ZBTB1: variants seen among roughly 807,000 people sequenced by gnomAD.
ZBTB1 encodes the protein zinc finger and BTB domain containing 1.
ZBTB1 carries 13 observed loss-of-function variants against 51.6 expected under a neutral mutation model. The ratio of observed to expected loss-of-function variants is 0.25; its 90% CI spans 0.16 to 0.40. The LOEUF (loss-of-function observed/expected upper bound fraction) is 0.40, where lower values mean the gene tolerates loss of function less well. Among genes scored for constraint, ZBTB1 ranks in the 10% least tolerant of loss-of-function variants. The probability of loss-of-function intolerance (pLI) is 1.00; values close to 1 mark genes in which losing one functional copy is unlikely to be tolerated. For synonymous variants in ZBTB1, 240 were observed against 282.2 expected (o/e 0.85, Z 1.50); for missense variants, 567 against 856.5 (o/e 0.66, Z 4.22).
rs142978553 is a variant in ZBTB1, at chr14:64,523,010, T to G, written c.1506T>G (p.Asp502Glu). 1.3e-4 allele frequency: 210 copies of G among 1,614,054 alleles called. No homozygotes were observed. The highest frequency in any genetic ancestry group is 2.7e-4 in the Admixed American group (16 of 60,000). ...ENPDEQSEIRDMFVEMLDDFR... is the reference protein window; with the variant it reads ...ENPDEQSEIREMFVEMLDDFR... The stretch of plus-strand genomic sequence containing the variant: ...CTGATGAGCAGTCCGAAATAAGAGA[T>G]ATGTTTGTTGAAATGCTGGATGATT... The change falls in exon 2 of 2, where the codon GAT (aspartate) becomes GAG (glutamate). Residue 502 changes from aspartate to glutamate, a missense_variant. Transcript: ENST00000683701. The surrounding 1 kb of genome is among the most constrained non-coding windows in gnomAD (Gnocchi z 4.5).
At chr14:64,519,318 T>A (rs2079833757) in intron 1 of ZBTB1, among the ~76,000 whole-genome samples, 1 of 151,602 alleles carries the variant, frequency 6.6e-6, no homozygotes, top group African/African-American at 2.4e-5. Flanking sequence ...CTGGCTAACT[T>A]TTTTTATTTT....
Position 64,523,296 on chromosome 14 carries a change from A to G in ZBTB1, c.1792A>G (p.Thr598Ala). 6.2e-7 allele frequency: 1 copy of G among 1,614,200 alleles called. No individual in the cohort carries two copies. The highest frequency in any genetic ancestry group is 8.5e-7 in the Non-Finnish European group (1 of 1,180,020). Residue 598 changes from threonine to alanine, a missense_variant, in exon 2 of 2, where the codon ACT (threonine) becomes GCT (alanine). Thr to Ala is a moderately conservative substitution (Grantham distance 58). Around this residue, in one of 5 missense-constraint regions of ZBTB1, gnomAD observed 69 missense variants for 171.8 expected, o/e 0.40. Coordinates refer to ENST00000683701, the MANE Select transcript of ZBTB1 (RefSeq NM_001123329.2). This position sits in a 1 kb window ranked among gnomAD's most constrained non-coding sequence, Gnocchi z 4.5. ...GCGGTGTCACTTAAGAGAACACTATACTGTTCATACTAAGGAAAAACAGTT... is the reference window on the plus strand; with the variant it reads ...GCGGTGTCACTTAAGAGAACACTATGCTGTTCATACTAAGGAAAAACAGTT... ...YQRCHLREHY[T>A]VHTKEKQFVC...
rs190547348 is a variant in ZBTB1, at chr14:64,531,546, A to G, written c.1899-315A>G. On this transcript the variant is annotated intron_variant, in intron 2 of 2. Coordinates refer to the ZBTB1 transcript ENST00000358738. ...AAAATCATTTTATTTGAAGGAAAAC[A>G]CTTCTTAACTGCTTCCTTCCTCCCT... Among the ~76,000 whole-genome samples, 17 of 152,310 alleles carry G rather than the reference A, an allele frequency of 1.1e-4. No individual in the cohort carries two copies. The East Asian group carries it at 3.3e-3, about 29-fold the overall frequency.
intron 1 of ZBTB1, among the ~76,000 whole-genome samples, chr14:64,511,719 C>A (rs2079726383): frequency 6.6e-6 from 1 of 152,160 alleles, no homozygotes; most frequent in African/African-American, 2.4e-5. Context: ...CAGTTGTTGG[C>A]TTGCAAGTAA....
At chr14:64,532,027 C>A in exon 3 of ZBTB1, 2 of 1,101,128 alleles carry the variant, frequency 1.8e-6, no homozygotes, top group Non-Finnish European at 2.6e-6. Flanking sequence ...TCCATCAACC[C>A]AAAAAGTTCC....
At chr14:64,518,269 C>CT (rs1203257711) in intron 1 of ZBTB1, 1 of 152,152 alleles carries the variant, frequency 6.6e-6, no homozygotes. Flanking sequence ...GCATACATTG[C>CT]TTTTTGTATT....
rs1048875513 is a variant in ZBTB1 at position 64,523,749 on chromosome 14, A to G, written c.*103A>G. On this transcript the variant is annotated 3_prime_UTR_variant, in exon 2 of 2. Coordinates refer to ENST00000683701, the MANE Select transcript of ZBTB1 (RefSeq NM_001123329.2). This position sits in a 1 kb window ranked among gnomAD's most constrained non-coding sequence, Gnocchi z 4.5. ...GATTATATAAGATGATTTGTTAGAA[A>G]CAAATTTCAAGGCCCTTTTAACTTT... 1.2e-4 allele frequency: 169 copies of G among 1,366,404 alleles called. No individual in the cohort carries two copies. The highest frequency in any genetic ancestry group is 1.5e-4 in the Non-Finnish European group (161 of 1,056,528). 84.6% of individuals were successfully genotyped at this position (1,366,404 alleles called of 1,614,324 possible).
At chr14:64,527,723 GATC>G (rs2079914308), downstream of ZBTB1, among the ~76,000 whole-genome samples, 1 of 152,110 alleles carries the variant, frequency 6.6e-6, no homozygotes, top group South Asian at 2.1e-4. Flanking sequence ...AGTGAACTGA[GATC>G]ATGCCACAGC....
chr14:64,528,575 C>G (rs1248348512), downstream of ZBTB1, among the ~76,000 whole-genome samples: 1 of 152,046 alleles, frequency 6.6e-6, no homozygotes, highest in East Asian at 1.9e-4. Flanking sequence ...GTGCAGTAAA[C>G]TGGGGATGAT....
In ZBTB1 at chr14:64,522,552, A is replaced by G. The variant is rs2079870833; in HGVS notation, c.1048A>G (p.Lys350Glu). Reference protein sequence around the residue: ...KDFNIIKVTDKDCNESTDNDE... With the variant: ...KDFNIIKVTDEDCNESTDNDE... ...CTTTAACATTATTAAAGTTACTGAT[A>G]AAGACTGTAATGAATCCACTGACAA... The change falls in exon 2 of 2, where the codon AAA (lysine) becomes GAA (glutamate). Residue 350 changes from lysine (K) to glutamate (E), a missense_variant. Physicochemically the swap from Lys to Glu is moderately conservative, Grantham distance 56. Around this residue, in one of 5 missense-constraint regions of ZBTB1, gnomAD observed 329 missense variants for 406.3 expected, o/e 0.81. Transcript: ENST00000683701. 1 of 1,613,996 alleles carries G rather than the reference A, an allele frequency of 6.2e-7. No individual in the cohort carries two copies. The highest frequency in any genetic ancestry group is 8.5e-7 in the Non-Finnish European group (1 of 1,179,970).
Position 64,521,926 on chromosome 14 carries a change from G to C in ZBTB1, c.422G>C (p.Gly141Ala), listed in dbSNP as rs1398927934. 1.2e-6 allele frequency: 2 copies of C among 1,614,176 alleles called. No individual in the cohort carries two copies. Among genetic ancestry groups the C allele is most frequent in the Non-Finnish European group, 1.7e-6 (2 of 1,180,044 alleles). Reference protein sequence around the residue: ...SSKQNSKMIFGVRMYEDTVAR... With the variant: ...SSKQNSKMIFAVRMYEDTVAR... ...AAACAGAACAGCAAAATGATATTTG[G>C]GGTAAGAATGTATGAAGATACTGTG... The change falls in exon 2 of 2, where the codon GGG becomes GCG. Residue 141 changes from glycine to alanine, a missense_variant. By Grantham distance (60) the Gly-to-Ala change is moderately conservative (BLOSUM62 0). Around this residue, in one of 5 missense-constraint regions of ZBTB1, gnomAD observed 74 missense variants for 74.9 expected, o/e 0.99. Transcript: ENST00000683701.
At chr14:64,527,811 T>C (rs1307531628), downstream of ZBTB1, among the ~76,000 whole-genome samples, 2 of 152,138 alleles carry the variant, frequency 1.3e-5, no homozygotes, top group Non-Finnish European at 2.9e-5. Flanking sequence ...CATGTTTTAC[T>C]GTAGCTGAAA....
intron 2 of ZBTB1, among the ~76,000 whole-genome samples, chr14:64,530,328 A>T (rs1566639141): frequency 6.6e-6 from 1 of 152,172 alleles, no homozygotes; most frequent in South Asian, 2.1e-4. Flanking sequence ...GGCTGGGAGC[A>T]GTGGCTCAGG....
chr14:64,516,328 C>G (rs993488268), intron 1 of ZBTB1, among the ~76,000 whole-genome samples: 2 of 152,174 alleles, frequency 1.3e-5, no homozygotes, highest in Admixed American at 1.3e-4. Context: ...GTTTCTGGTA[C>G]TAATGTGTCA....
At chr14:64,516,192 C>T (rs1278622154) in intron 1 of ZBTB1, among the ~76,000 whole-genome samples, 1 of 152,092 alleles carries the variant, frequency 6.6e-6, no homozygotes, top group Non-Finnish European at 1.5e-5. Context: ...GAACAGAATG[C>T]TATTGAGGAC....
intron 1 of ZBTB1, chr14:64,505,245 G>C (rs985047047): frequency 1.4e-5 from 3 of 221,960 alleles, no homozygotes; most frequent in African/African-American, 4.6e-5. Context: ...TTTTTTCGAG[G>C]GGGGAGGGGA....
rs1472948722 is a variant in ZBTB1 at position 64,504,805 on chromosome 14, CCG to C, written c.-156_-155del. The C allele has an allele frequency of 2.6e-6, 1 of 386,822 alleles. No homozygotes were observed. The highest frequency in any genetic ancestry group is 4.5e-5 in the Admixed American group (1 of 22,258). 24.0% of individuals were successfully genotyped at this position (386,822 alleles called of 1,614,324 possible). ...AGTCCCTGGCAGAGCCAGAGCCTCT[CCG>C]CGCAGCCCAGCCCGAGCGCCGAGCG... On this transcript the variant is annotated 5_prime_UTR_variant, in exon 1 of 2. Coordinates refer to ENST00000683701, the MANE Select transcript of ZBTB1 (RefSeq NM_001123329.2).
chr14:64,528,553 T>C (rs948148866), downstream of ZBTB1, among the ~76,000 whole-genome samples: 1 of 152,054 alleles, frequency 6.6e-6, no homozygotes, highest in Non-Finnish European at 1.5e-5. Flanking sequence ...CCCACATCCT[T>C]GATAACCTGA....
chr14:64,524,483 T>A lies in ZBTB1; in HGVS notation c.*837T>A. On this transcript the variant is annotated 3_prime_UTR_variant, in exon 2 of 2. Transcript: ENST00000683701. ...ATTCTGATTTCTAAAGTGTGTTAGC[T>A]TATCAATTATTTTTGTTTATAAATA... The A allele has an allele frequency of 1.1e-6, 1 of 878,266 alleles. No homozygotes were observed. The highest frequency in any genetic ancestry group is 1.4e-6 in the Non-Finnish European group (1 of 732,470). The allele number at this position is 878,266 out of a possible 1,614,324, so 54.4% of individuals were successfully genotyped here.
Sources: gnomAD v4.1 joint callset for allele counts (sites outside exome capture counted in the v4.1 genomes callset) on GRCh38, gnomAD v4.1.1 for gene constraint, gnomAD v4.1.1 regional missense constraint, Gnocchi (gnomAD v3.1) non-coding constraint, MANE v1.5 for transcripts, NCBI Gene and HGNC (gene_info 2026-07-23, HGNC 2026-07-21) for gene names.